Variants in CDC25C observed in about 807,000 individuals in gnomAD.
The protein encoded by CDC25C is M-phase inducer phosphatase 3.
In CDC25C, 48 loss-of-function variants were observed where a neutral mutation model predicts 52.5. The ratio of observed to expected loss-of-function variants is 0.91; its 90% CI spans 0.72 to 1.16. The LOEUF (loss-of-function observed/expected upper bound fraction) is 1.16. Among genes scored for constraint, CDC25C ranks in the 50% most tolerant of loss-of-function variants. CDC25C has a pLI of 0.00. For synonymous variants in CDC25C, 187 were observed against 206.5 expected (o/e 0.91, Z 0.81); for missense variants, 510 against 566.1 (o/e 0.90, Z 1.01).
At chr5:138,292,464 C>T (rs539186050) in intron 7 of CDC25C, among the ~76,000 whole-genome samples, 1 of 146,440 alleles carries the variant, frequency 6.8e-6, no homozygotes, top group African/African-American at 2.5e-5. Flanking sequence ...AAGCTCAGTC[C>T]CTCCAGTTAT....
intron 7 of CDC25C, among the ~76,000 whole-genome samples, chr5:138,304,028 C>G (rs1157506103): frequency 6.6e-6 from 1 of 152,180 alleles, no homozygotes; most frequent in East Asian, 1.9e-4. Flanking sequence ...CTGATAGCAT[C>G]TGTTTTCTCT....
At chr5:138,322,527 G>C (rs1580800832) in intron 6 of CDC25C, among the ~76,000 whole-genome samples, 1 of 128,992 alleles carries the variant, frequency 7.8e-6, no homozygotes, top group East Asian at 2.5e-4. Context: ...CCAGACTGGA[G>C]TACAGTGGCA....
intron 4 of CDC25C, among the ~76,000 whole-genome samples, chr5:138,328,084 C>T (rs1432674044): frequency 6.6e-6 from 1 of 152,208 alleles, no homozygotes; most frequent in East Asian, 1.9e-4. Flanking sequence ...GCAGGCTGGT[C>T]TTGAACTGCT....
intron 7 of CDC25C, among the ~76,000 whole-genome samples, chr5:138,298,963 C>A (rs1046139753): frequency 6.6e-6 from 1 of 151,548 alleles, no homozygotes; most frequent in East Asian, 1.9e-4. Context: ...GAGGCTGAGG[C>A]GGGCGGATCA....
intron 6 of CDC25C, among the ~76,000 whole-genome samples, chr5:138,321,880 G>T (rs755321221): frequency 6.6e-6 from 1 of 151,458 alleles, no homozygotes; most frequent in African/African-American, 2.4e-5. Flanking sequence ...GGAGTCCATG[G>T]TCTATGAAAG....
chr5:138,289,654 C>T (rs1331892392), intron 9 of CDC25C, 91 bp from the exon 10 acceptor site: 4 of 996,182 alleles, frequency 4.0e-6, no homozygotes, highest in African/African-American at 1.6e-5. Flanking sequence ...TTCCAAGTGA[C>T]CCTTAAAACC....
At chr5:138,330,603 G>C (rs966639166) in intron 2 of CDC25C, among the ~76,000 whole-genome samples, 1 of 152,134 alleles carries the variant, frequency 6.6e-6, no homozygotes, top group Admixed American at 6.6e-5. Flanking sequence ...CACCTCCCGG[G>C]CTCAAGCAAT....
chr5:138,309,506 G>A (rs544981878), intron 7 of CDC25C, among the ~76,000 whole-genome samples: 3 of 151,298 alleles, frequency 2.0e-5, no homozygotes, highest in South Asian at 2.1e-4. Flanking sequence ...GCAGTGAGCC[G>A]AGATCACACC....
intron 7 of CDC25C, among the ~76,000 whole-genome samples, chr5:138,306,914 G>C (rs1323603092): frequency 4.6e-5 from 7 of 151,676 alleles, no homozygotes; most frequent in Admixed American, 3.3e-4. Flanking sequence ...CACGATCTCA[G>C]CTCACTGCAA....
intron 2 of CDC25C, among the ~76,000 whole-genome samples, chr5:138,330,338 G>T (rs992089786): frequency 3.3e-5 from 5 of 151,958 alleles, no homozygotes; most frequent in African/African-American, 1.2e-4. Context: ...CTCTTTGCTA[G>T]TTGAGACATG....
intron 7 of CDC25C, among the ~76,000 whole-genome samples, chr5:138,317,400 C>G (rs1443487075): frequency 6.6e-6 from 1 of 152,132 alleles, no homozygotes; most frequent in African/African-American, 2.4e-5. Flanking sequence ...TAAATGTAGG[C>G]CAGGCATGGT....
upstream of CDC25C, among the ~76,000 whole-genome samples, chr5:138,336,119 C>T (rs1308114711): frequency 2.9e-5 from 4 of 135,872 alleles, no homozygotes; most frequent in African/African-American, 5.4e-5. Context: ...CCCAGCACTT[C>T]GTTTTTTGTT....
intron 10 of CDC25C, 70 bp from the exon 11 acceptor site, chr5:138,287,337 T>C: frequency 1.9e-6 from 2 of 1,079,586 alleles, no homozygotes; most frequent in Non-Finnish European, 2.8e-6. Flanking sequence ...AATGACACAG[T>C]TCCTTACAAG....
intron 2 of CDC25C, among the ~76,000 whole-genome samples, chr5:138,329,983 G>A (rs1416533626): frequency 2.6e-5 from 4 of 152,070 alleles, no homozygotes; most frequent in South Asian, 2.1e-4. Flanking sequence ...CACCCACCTC[G>A]GCCTTCCAAA....
At chr5:138,300,551 A>T (rs1757554031) in intron 7 of CDC25C, among the ~76,000 whole-genome samples, 1 of 151,770 alleles carries the variant, frequency 6.6e-6, no homozygotes, top group Non-Finnish European at 1.5e-5. Flanking sequence ...CAACAGAGTG[A>T]GACTCTGTCT....
At chr5:138,287,070 T>C in intron 11 of CDC25C, 99 bp downstream of exon 11, 3 of 755,070 alleles carry the variant, frequency 4.0e-6, no homozygotes, top group Non-Finnish European at 4.5e-6. Flanking sequence ...GTAATCTTTG[T>C]CCTGACTCTA....
chr5:138,289,702 G>C (rs1756550897), intron 9 of CDC25C, 139 bp from the exon 10 acceptor site: 1 of 628,262 alleles, frequency 1.6e-6, no homozygotes, highest in East Asian at 2.7e-5. Context: ...TCTATAAAGT[G>C]CATATACATC....
chr5:138,324,987 T>C (rs764392147), intron 6 of CDC25C, among the ~76,000 whole-genome samples: 2 of 151,886 alleles, frequency 1.3e-5, no homozygotes, highest in African/African-American at 4.8e-5. Context: ...CAAGAATCAC[T>C]TGAACCCGGG....
upstream of CDC25C, among the ~76,000 whole-genome samples, chr5:138,332,802 G>A (rs1412073069): frequency 6.6e-6 from 1 of 152,146 alleles, no homozygotes; most frequent in Non-Finnish European, 1.5e-5. Flanking sequence ...GGAGACAGAG[G>A]TTGCGCCACT....
Sources: gnomAD v4.1 joint callset for allele counts (sites outside exome capture counted in the v4.1 genomes callset) on GRCh38, gnomAD v4.1.1 for gene constraint, MANE v1.5 for transcripts, NCBI Gene and HGNC (gene_info 2026-07-23, HGNC 2026-07-21) for gene names.